The following QRFPR variants were observed in gnomAD, a reference collection of about 807,000 sequenced individuals.
QRFPR encodes pyroglutamylated RFamide peptide receptor.
In QRFPR, 37 loss-of-function variants were observed where a neutral mutation model predicts 31.3. The observed-to-expected ratio is 1.18, with a 90% CI of 0.91 to 1.56. QRFPR has a LOEUF of 1.56. QRFPR is among the 40% of genes most tolerant of loss of function. QRFPR has a pLI of 0.00. For missense variants in QRFPR, 542 were observed against 532.5 expected (o/e 1.02, Z -0.18); for synonymous variants, 197 against 192.0 (o/e 1.03, Z -0.22).
chr4:121,336,837 T>C lies in QRFPR; in HGVS notation c.531A>G (p.Gly177=). Residue 177 remains glycine, a synonymous_variant, in exon 3 of 6, where the codon GGA becomes GGG. Coordinates refer to ENST00000394427, the MANE Select transcript of QRFPR (RefSeq NM_198179.3). ...GVVWLVAVIV[G]SPMWHVQQLE... is the part of the protein sequence containing the mutation. ...GTTGTTGCACGTGCCACATGGGTGA[T>C]CCTACGATGACTGCCACCAGCCAGA... The C allele has an allele frequency of 1.2e-6, 2 of 1,614,078 alleles. No homozygotes were observed. The highest frequency in any genetic ancestry group is 1.7e-6 in the Non-Finnish European group (2 of 1,179,930).
At chr4:121,334,927 C>T (rs964824768) in intron 3 of QRFPR, among the ~76,000 whole-genome samples, 3 of 152,106 alleles carry the variant, frequency 2.0e-5, no homozygotes, top group African/African-American at 7.2e-5. Flanking sequence ...AATCTGAAAT[C>T]GAAGAGTGAA....
rs758247431 is a variant in QRFPR at position 121,362,039 on chromosome 4, C to A, written c.340+18269G>T. On this transcript the variant is annotated intron_variant, in intron 1 of 5. Transcript: ENST00000394427. ...TAAAAACAATAACTGCAATTGTCTGCAATATTCTATATTGCTGCTACCCAG... is the reference window on the plus strand; with the variant it reads ...TAAAAACAATAACTGCAATTGTCTGAAATATTCTATATTGCTGCTACCCAG... 1.3e-4 allele frequency among the ~76,000 whole-genome samples: 20 copies of A among 150,210 alleles called. 2 individuals are homozygous for A. The highest frequency in any genetic ancestry group is 2.0e-4 in the Admixed American group (3 of 15,100).
At chr4:121,345,836 G>A (rs1725635021) in intron 1 of QRFPR, among the ~76,000 whole-genome samples, 2 of 152,214 alleles carry the variant, frequency 1.3e-5, no homozygotes, top group South Asian at 4.2e-4. Context: ...AGAGAAACAA[G>A]ACTACATTAT....
rs1730184779 is a variant in QRFPR at position 121,380,419 on chromosome 4, G to T, written c.229C>A (p.Arg77Ser). ...CAGATAAAGATGTTGGTGACGGTGC[G>T]CATGGCCTTGCTGCGGGTCACCACG... ...FYVVTRSKAM[R>S]TVTNIFICSL... is the part of the protein sequence containing the mutation. Residue 77 changes from arginine to serine, a missense_variant, in exon 1 of 6, where the codon CGC becomes AGC. Arg to Ser is a moderately radical substitution (Grantham distance 110). Coordinates refer to ENST00000394427, the MANE Select transcript of QRFPR (RefSeq NM_198179.3). 6.2e-7 allele frequency: 1 copy of T among 1,614,208 alleles called. No individual in the cohort carries two copies. The highest frequency in any genetic ancestry group is 8.5e-7 in the Non-Finnish European group (1 of 1,180,028).
chr4:121,364,363 A>G (rs921496503), intron 1 of QRFPR, among the ~76,000 whole-genome samples: 2 of 150,334 alleles, frequency 1.3e-5, no homozygotes, highest in Non-Finnish European at 3.0e-5. Flanking sequence ...TTGGCTGGGC[A>G]TGGTGGCTCA....
intron 1 of QRFPR, chr4:121,369,371 T>C (rs1726189597): frequency 1.5e-6 from 1 of 664,708 alleles, no homozygotes; most frequent in Non-Finnish European, 2.7e-6. Flanking sequence ...AAAGCCAAGA[T>C]AAAAGGGCAG....
chr4:121,375,750 C>T (rs1482327457), intron 1 of QRFPR, among the ~76,000 whole-genome samples: 2 of 151,848 alleles, frequency 1.3e-5, no homozygotes, highest in East Asian at 1.9e-4. Flanking sequence ...GACACTTACT[C>T]GCAAAATAAG....
At chr4:121,345,072 C>G (rs1237702721) in intron 1 of QRFPR, among the ~76,000 whole-genome samples, 2 of 152,204 alleles carry the variant, frequency 1.3e-5, no homozygotes, top group Non-Finnish European at 2.9e-5. Context: ...TTTCCAGCAT[C>G]CACCTCACTT....
At chr4:121,374,014 G>C (rs937453138) in intron 1 of QRFPR, among the ~76,000 whole-genome samples, 1 of 152,108 alleles carries the variant, frequency 6.6e-6, no homozygotes, top group Non-Finnish European at 1.5e-5. Flanking sequence ...CATCCGCTGT[G>C]GCCCTGGGCA....
At position 121,340,479 on chromosome 4, in the gene QRFPR, T is replaced by C; in HGVS notation, c.472A>G (p.Thr158Ala). The change falls in exon 2 of 6, where the codon ACC becomes GCC. Residue 158 changes from threonine to alanine, a missense_variant. Physicochemically the swap from Thr to Ala is moderately conservative, Grantham distance 58. Coordinates refer to ENST00000394427, the MANE Select transcript of QRFPR (RefSeq NM_198179.3). Reference protein sequence around the residue: ...VHPFKMKWQYTNRRAFTMLGV... With the variant: ...VHPFKMKWQYANRRAFTMLGV... ...AGCATTGTGAAAGCCCTTCGGTTGG[T>C]GTATTGCCACTTCATTTTAAAAGGA... The C allele has an allele frequency of 5.0e-6, 8 of 1,614,074 alleles. No individual in the cohort carries two copies. The South Asian group carries it at 8.8e-5, about 18-fold the overall frequency.
rs763101064 is a variant in QRFPR at position 121,332,989 on chromosome 4, T to C, written c.629A>G (p.His210Arg). The change falls in exon 4 of 6, where the codon CAC becomes CGC. Residue 210 changes from histidine to arginine, a missense_variant. Physicochemically the swap from His to Arg is conservative, Grantham distance 29. Coordinates refer to ENST00000394427, the MANE Select transcript of QRFPR (RefSeq NM_198179.3). ...CCLEEWTSPV[H>R]QKIYTTFILV... ...GATGAAGGTGGTGTAGATCTTCTGGTGCACAGGGCTGGTCCACTCTTCTAA... is the reference window on the plus strand; with the variant it reads ...GATGAAGGTGGTGTAGATCTTCTGGCGCACAGGGCTGGTCCACTCTTCTAA... 1 of 1,567,186 alleles carries C rather than the reference T, an allele frequency of 6.4e-7. No individual in the cohort carries two copies. Among genetic ancestry groups the C allele is most frequent in the South Asian group, 1.1e-5 (1 of 88,194 alleles).
chr4:121,375,863 G>A (rs931000096), intron 1 of QRFPR, among the ~76,000 whole-genome samples: 1 of 152,208 alleles, frequency 6.6e-6, no homozygotes, highest in Non-Finnish European at 1.5e-5. Flanking sequence ...AGAGAAGAGA[G>A]TGGTGTTCTG....
chr4:121,351,645 A>G (rs1579578450), intron 1 of QRFPR, among the ~76,000 whole-genome samples: 1 of 152,260 alleles, frequency 6.6e-6, no homozygotes, highest in East Asian at 1.9e-4. Flanking sequence ...TGGAAGGAAT[A>G]TTTTTGTATA....
chr4:121,335,906 T>C (rs897216484), intron 3 of QRFPR, among the ~76,000 whole-genome samples: 33 of 152,082 alleles, frequency 2.2e-4, no homozygotes, highest in African/African-American at 8.0e-4. Context: ...TTAGATGCAT[T>C]TTTCCAGGTA....
chr4:121,369,798 G>C, intron 1 of QRFPR: 1 of 1,492,074 alleles, frequency 6.7e-7, no homozygotes, highest in Non-Finnish European at 9.3e-7. Context: ...CTCTGCTTAG[G>C]TGAAAAGTGA....
intron 1 of QRFPR, among the ~76,000 whole-genome samples, chr4:121,341,731 T>C (rs1024120130): frequency 6.6e-6 from 1 of 150,674 alleles, no homozygotes; most frequent in East Asian, 2.0e-4. Flanking sequence ...CCAAGATACC[T>C]CATTATGTCT....
intron 4 of QRFPR, 68 bp downstream of exon 4, chr4:121,332,753 G>T: frequency 8.1e-7 from 1 of 1,239,448 alleles, no homozygotes; most frequent in Non-Finnish European, 1.1e-6. Context: ...TGAGAGCCCT[G>T]GCAACCATCC....
intron 1 of QRFPR, among the ~76,000 whole-genome samples, chr4:121,366,916 C>A: frequency 6.7e-6 from 1 of 149,944 alleles, no homozygotes; most frequent in East Asian, 2.0e-4. Context: ...GCTCTAGTGC[C>A]CAGGATTGCC....
chr4:121,380,528 C>A lies in QRFPR; in HGVS notation c.120G>T (p.Leu40=), dbSNP rs1726470854. The A allele has an allele frequency of 6.2e-7, 1 of 1,613,282 alleles. No homozygotes were observed. Among genetic ancestry groups the A allele is most frequent in the Non-Finnish European group, 8.5e-7 (1 of 1,179,688 alleles). Residue 40 remains leucine (L), a synonymous_variant, in exon 1 of 6, where the codon CTG becomes CTT. Coordinates refer to ENST00000394427, the MANE Select transcript of QRFPR (RefSeq NM_198179.3). The stretch of plus-strand genomic sequence containing the variant: ...CGAGGGCCAGCTTGGCGCGTCCCGG[C>A]AGCTCTGGGGTGTAGACGAGCGGTC... ...RLRPLVYTPE[L]PGRAKLALVL... is the part of the protein sequence containing the mutation.
Sources: gnomAD v4.1 joint callset for allele counts (sites outside exome capture counted in the v4.1 genomes callset) on GRCh38, gnomAD v4.1.1 for gene constraint, MANE v1.5 for transcripts, NCBI Gene and HGNC (gene_info 2026-07-23, HGNC 2026-07-21) for gene names.